MTCL2: variants seen among roughly 807,000 people sequenced by gnomAD.
MTCL2 encodes the protein microtubule crosslinking factor 2.
At chr20:36,787,692 CCTGGCCAACATGG>C in the MTCL2 span, among the ~76,000 whole-genome samples, 1 of 148,796 alleles carries the variant, frequency 6.7e-6, no homozygotes, top group South Asian at 2.1e-4. Flanking sequence ...TCGAGACCAT[CCTGGCCAACATGG>C]TGAAACCCCA....
chr20:36,792,823 TATATATAG>T, the MTCL2 span, among the ~76,000 whole-genome samples: 24 of 149,892 alleles, frequency 1.6e-4, no homozygotes, highest in Admixed American at 1.3e-3. Flanking sequence ...TTTTATTTTA[TATATATAG>T]ATATATAGAT....
At chr20:36,794,525 G>C in the MTCL2 span, 3 of 1,614,056 alleles carry the variant, frequency 1.9e-6, no homozygotes, top group Non-Finnish European at 2.5e-6. This position sits in a 1 kb window ranked among gnomAD's most constrained non-coding sequence, Gnocchi z 5.4. Context: ...CTTGCCCCGG[G>C]CATCTCCGCC....
the MTCL2 span, among the ~76,000 whole-genome samples, chr20:36,848,682 C>A: frequency 4.9e-3 from 739 of 152,332 alleles, no homozygotes; most frequent in Non-Finnish European, 7.2e-3. Context: ...GACCTCCAAG[C>A]AGGACTCAAA....
At chr20:36,817,388 G>A in the MTCL2 span, 74 of 1,565,108 alleles carry the variant, frequency 4.7e-5, no homozygotes, top group Non-Finnish European at 5.5e-5. Flanking sequence ...ACCTTCCTAC[G>A]GGGGCTGCTG....
chr20:36,831,600 G>C, the MTCL2 span, among the ~76,000 whole-genome samples: 1 of 152,134 alleles, frequency 6.6e-6, no homozygotes, highest in African/African-American at 2.4e-5. Flanking sequence ...ACAACGACCA[G>C]AAAGGAAACC....
chr20:36,806,047 G>A, the MTCL2 span: 14 of 1,064,368 alleles, frequency 1.3e-5, no homozygotes, highest in African/African-American at 1.3e-4. Flanking sequence ...CGAGGAGCAC[G>A]GCTGGATAGT....
chr20:36,809,578 C>CTTTTT, the MTCL2 span, among the ~76,000 whole-genome samples: 2 of 124,176 alleles, frequency 1.6e-5, no homozygotes, highest in African/African-American at 6.0e-5. Context: ...TTCTTTCATT[C>CTTTTT]TTTTTTTTTT....
the MTCL2 span, among the ~76,000 whole-genome samples, chr20:36,827,738 T>G: frequency 7.2e-5 from 11 of 152,180 alleles, 1 homozygote; most frequent in Admixed American, 3.9e-4. Flanking sequence ...AAGGAGAGGC[T>G]GGGTGAACTC....
the MTCL2 span, among the ~76,000 whole-genome samples, chr20:36,850,816 A>G: frequency 6.6e-6 from 1 of 152,226 alleles, no homozygotes; most frequent in African/African-American, 2.4e-5. Context: ...GAATCACCCA[A>G]ATGTCCCTCA....
the MTCL2 span, among the ~76,000 whole-genome samples, chr20:36,795,219 G>A: frequency 6.6e-6 from 1 of 152,146 alleles, no homozygotes; most frequent in African/African-American, 2.4e-5. Flanking sequence ...GATTACAGAT[G>A]TGAGCCACTG....
chr20:36,851,442 G>A, the MTCL2 span, among the ~76,000 whole-genome samples: 8 of 152,104 alleles, frequency 5.3e-5, no homozygotes, highest in African/African-American at 1.2e-4. Context: ...CATCTCCCTC[G>A]ACGCCTCCTC....
At chr20:36,833,431 AG>A in the MTCL2 span, among the ~76,000 whole-genome samples, 1 of 152,220 alleles carries the variant, frequency 6.6e-6, no homozygotes, top group Non-Finnish European at 1.5e-5. Flanking sequence ...TTACAGCGCT[AG>A]GGCCTGGCTC....
At chr20:36,831,548 C>G in the MTCL2 span, among the ~76,000 whole-genome samples, 4 of 152,196 alleles carry the variant, frequency 2.6e-5, no homozygotes, top group African/African-American at 9.6e-5. Context: ...AAGCCCAGCT[C>G]GGCACGGACC....
the MTCL2 span, among the ~76,000 whole-genome samples, chr20:36,833,217 T>G: frequency 6.6e-6 from 1 of 152,174 alleles, no homozygotes. Flanking sequence ...ACATCAACAA[T>G]ACAAGTATTA....
the MTCL2 span, among the ~76,000 whole-genome samples, chr20:36,803,559 C>T: frequency 0.011 from 1,672 of 151,892 alleles, 44 homozygotes; most frequent in African/African-American, 0.038. Context: ...CAGGGGACAC[C>T]GTGGAATATG....
the MTCL2 span, among the ~76,000 whole-genome samples, chr20:36,821,576 G>A: frequency 6.6e-6 from 1 of 152,002 alleles, no homozygotes; most frequent in African/African-American, 2.4e-5. Flanking sequence ...TTCTTAGCCG[G>A]GTGTTGTGGC....
the MTCL2 span, among the ~76,000 whole-genome samples, chr20:36,844,812 G>A: frequency 6.6e-6 from 1 of 152,162 alleles, no homozygotes; most frequent in Non-Finnish European, 1.5e-5. Flanking sequence ...TTTGAGGTCA[G>A]GAGTTCGAGA....
chr20:36,815,977 C>A, the MTCL2 span: 2 of 1,613,552 alleles, frequency 1.2e-6, no homozygotes, highest in African/African-American at 1.3e-5. This position sits in a 1 kb window ranked among gnomAD's most constrained non-coding sequence, Gnocchi z 5.3. Context: ...TCAGGACCCC[C>A]ACAGCCACCT....
chr20:36,846,878 C>T, the MTCL2 span, among the ~76,000 whole-genome samples: 51 of 152,280 alleles, frequency 3.3e-4, no homozygotes, highest in Non-Finnish European at 4.0e-4. Flanking sequence ...GGCTTGGTGG[C>T]GTGTGCCTGT....
Sources: allele counts gnomAD v4.1 joint callset (sites outside exome capture counted in the v4.1 genomes callset), GRCh38; gene constraint gnomAD v4.1.1; non-coding constraint Gnocchi (gnomAD v3.1); transcripts MANE v1.5; gene names NCBI Gene and HGNC (gene_info 2026-07-23, HGNC 2026-07-21).